SMURF1: variants seen among roughly 807,000 people sequenced by gnomAD.
The protein encoded by SMURF1 is SMAD specific E3 ubiquitin protein ligase 1.
In SMURF1, 44 loss-of-function variants were observed where a neutral mutation model predicts 98.0. The observed-to-expected ratio is 0.45, with a 90% CI of 0.35 to 0.58. The LOEUF is 0.58. SMURF1 is among the 20% of genes least tolerant of loss of function. SMURF1 has a pLI of 0.00. For synonymous variants in SMURF1, 396 were observed against 374.9 expected, an observed-to-expected ratio of 1.06 and a Z score of -0.65; for missense variants, 687 against 938.4, an observed-to-expected ratio of 0.73 and a Z score of 3.50.
chr7:99,093,479 C>T (rs1796859095), intron 1 of SMURF1, among the ~76,000 whole-genome samples: 1 of 151,060 alleles, frequency 6.6e-6, no homozygotes, highest in Non-Finnish European at 1.5e-5. Flanking sequence ...GAATTTATCA[C>T]TAAAAAGTCA....
chr7:99,097,213 A>G (rs1158637612), intron 1 of SMURF1, among the ~76,000 whole-genome samples: 1 of 152,228 alleles, frequency 6.6e-6, no homozygotes, highest in Non-Finnish European at 1.5e-5. Flanking sequence ...TTTTAAAAGG[A>G]AAGCAGAATG....
rs190368552 is a variant in SMURF1 at position 99,087,604 on chromosome 7, T to C, written c.56-25767A>G. 7.9e-5 allele frequency among the ~76,000 whole-genome samples: 12 copies of C among 152,278 alleles called. No individual in the cohort carries two copies. The East Asian group carries it at 2.3e-3, about 29-fold the overall frequency. ...GAGTATAAAAGGTAGTGTCTGGGCATAAGAGTTTAGAGTTTAGCTAGATAG... is the reference window on the plus strand; with the variant it reads ...GAGTATAAAAGGTAGTGTCTGGGCACAAGAGTTTAGAGTTTAGCTAGATAG... On this transcript the variant is annotated intron_variant, in intron 1 of 17. Coordinates refer to ENST00000361368, the MANE Select transcript of SMURF1 (RefSeq NM_181349.3).
In SMURF1 at chr7:99,143,735, G is replaced by C; in HGVS notation, c.46C>G (p.Arg16Gly). The change falls in exon 1 of 18, where the codon CGT becomes GGT. Residue 16 changes from arginine to glycine, a missense_variant. Around this residue, in one of 2 missense-constraint regions of SMURF1, gnomAD observed 415 missense variants for 508.4 expected, o/e 0.82. Transcript: ENST00000361368. ...CTCCCGCCGGCCGTACCTGTCAGAC[G>C]GATCTTGATGCTGGAGCCGTTCCTG... is the stretch of plus-strand genomic sequence containing the variant. ...TRRNGSSIKI[R>G]LTVLCAKNLA... is the part of the protein sequence containing the mutation. 1 of 1,563,010 alleles carries C rather than the reference G, an allele frequency of 6.4e-7. No homozygotes were observed. Among genetic ancestry groups the C allele is most frequent in the South Asian group, 1.2e-5 (1 of 86,294 alleles).
chr7:99,032,820 T>A, intron 17 of SMURF1: 1 of 709,036 alleles, frequency 1.4e-6, no homozygotes, highest in South Asian at 1.8e-5. Flanking sequence ...AGTGTCGTAA[T>A]GTCGGGGGGA....
At chr7:99,042,501 C>G (rs1270598598) in intron 11 of SMURF1, among the ~76,000 whole-genome samples, 1 of 152,234 alleles carries the variant, frequency 6.6e-6, no homozygotes, top group Non-Finnish European at 1.5e-5. Flanking sequence ...CCTCGAACTC[C>G]TGACCTCAAA....
At chr7:99,035,976 A>C (rs1233540477) in intron 15 of SMURF1, 1 of 503,230 alleles carries the variant, frequency 2.0e-6, no homozygotes, top group Non-Finnish European at 3.6e-6. Flanking sequence ...TTTATAACCA[A>C]AGCGGGGTTT....
At chr7:99,108,042 C>T (rs1216304444) in intron 1 of SMURF1, among the ~76,000 whole-genome samples, 1 of 152,148 alleles carries the variant, frequency 6.6e-6, no homozygotes, top group African/African-American at 2.4e-5. Context: ...TCTGAACTCA[C>T]AAGTTTAAGA....
chr7:99,108,708 C>T (rs1355436423), intron 1 of SMURF1, among the ~76,000 whole-genome samples: 1 of 151,372 alleles, frequency 6.6e-6, no homozygotes, highest in African/African-American at 2.4e-5. Context: ...TTTCCAGAGC[C>T]ATTTCTTCAA....
At chr7:99,113,866 G>C (rs1048383959) in intron 1 of SMURF1, among the ~76,000 whole-genome samples, 4 of 48,490 alleles carry the variant, frequency 8.2e-5, no homozygotes, top group African/African-American at 2.1e-4. Flanking sequence ...AAAAAAAAAA[G>C]AACATTAGAC....
In SMURF1 at chr7:99,029,776, C is replaced by G. The variant is rs1229891988; in HGVS notation, c.*808G>C. Reference sequence around the variant, plus strand: ...TGGGACTGACTGGTTGGCTCTAGGGCTGATTTTGGTCTGCTCTTTCCTACA... The same window carrying G: ...TGGGACTGACTGGTTGGCTCTAGGGGTGATTTTGGTCTGCTCTTTCCTACA... On this transcript the variant is annotated 3_prime_UTR_variant, in exon 18 of 18. Transcript: ENST00000361368. The G allele has an allele frequency of 6.6e-6, 1 of 152,118 alleles. No individual in the cohort carries two copies. The highest frequency in any genetic ancestry group is 2.4e-5 in the African/African-American group (1 of 41,406). 9.4% of individuals were successfully genotyped at this position (152,118 alleles called of 1,614,324 possible). A position where few individuals can be genotyped will look rare whatever the true frequency, so the allele number is the denominator to read the frequency against.
At chr7:99,081,890 T>C (rs1796584520) in intron 1 of SMURF1, among the ~76,000 whole-genome samples, 2 of 152,222 alleles carry the variant, frequency 1.3e-5, no homozygotes, top group African/African-American at 4.8e-5. Flanking sequence ...TAACCTCAGG[T>C]GATCCACCTG....
chr7:99,070,314 C>T (rs1796287882), intron 1 of SMURF1, among the ~76,000 whole-genome samples: 1 of 152,178 alleles, frequency 6.6e-6, no homozygotes, highest in African/African-American at 2.4e-5. Flanking sequence ...GTGATCCTTT[C>T]TAGTCCAGAA....
chr7:99,100,526 C>G (rs903222673), intron 1 of SMURF1, among the ~76,000 whole-genome samples: 1 of 152,114 alleles, frequency 6.6e-6, no homozygotes, highest in African/African-American at 2.4e-5. Flanking sequence ...TTCATTCCAG[C>G]CTGGGCAACA....
intron 1 of SMURF1, among the ~76,000 whole-genome samples, chr7:99,135,030 C>T (rs1171659305): frequency 6.6e-6 from 1 of 152,086 alleles, no homozygotes; most frequent in African/African-American, 2.4e-5. Context: ...TCTGTAGAAC[C>T]CAGGAATCTT....
At chr7:99,124,646 A>G (rs576462738) in intron 1 of SMURF1, among the ~76,000 whole-genome samples, 14 of 152,282 alleles carry the variant, frequency 9.2e-5, no homozygotes, top group African/African-American at 3.4e-4. Flanking sequence ...GTCCAGTGTC[A>G]AAAAGGAAAA....
In SMURF1 at chr7:99,060,697, G is replaced by A. The variant is rs138500219; in HGVS notation, c.105C>T (p.Asp35=). 2 of 1,613,400 alleles carry A rather than the reference G, an allele frequency of 1.2e-6. No homozygotes were observed. Among genetic ancestry groups the A allele is most frequent in the Non-Finnish European group, 8.5e-7 (1 of 1,179,716 alleles). The change falls in exon 3 of 18, where the codon GAC becomes GAT. Residue 35 remains aspartate, a synonymous_variant. Transcript: ENST00000361368. ...CATCCACGACAATCTTTGCAAAAGG[G>A]TCAGGGAGCCCTAGAGGAGAGAGGA... ...LAKKDFFRLP[D]PFAKIVVDGS...
At chr7:99,050,894 TGG>T (rs57957340) in intron 8 of SMURF1, 1,532 of 1,303,512 alleles carry the variant, frequency 1.2e-3, no homozygotes, top group South Asian at 2.8e-3. Context: ...TGTTATGGGG[TGG>T]GGGGGGGGTC....
intron 6 of SMURF1, 25 bp from the exon 7 acceptor site, chr7:99,052,471 CATGGTGTCA>C (rs755144778): frequency 6.7e-7 from 1 of 1,502,864 alleles, no homozygotes; most frequent in Non-Finnish European, 8.9e-7. Flanking sequence ...AGCAGGCAGG[CATGGTGTCA>C]CCATGGAGGA....
intron 1 of SMURF1, among the ~76,000 whole-genome samples, chr7:99,088,510 AGCTCT>A (rs1796733080): frequency 6.6e-6 from 1 of 151,398 alleles, no homozygotes; most frequent in Non-Finnish European, 1.5e-5. Context: ...GTACTTACAT[AGCTCT>A]CCAAACAGAT....
Sources: allele counts gnomAD v4.1 joint callset (sites outside exome capture counted in the v4.1 genomes callset), GRCh38; gene constraint gnomAD v4.1.1; regional missense constraint gnomAD v4.1.1; transcripts MANE v1.5; gene names NCBI Gene and HGNC (gene_info 2026-07-23, HGNC 2026-07-21).